The following ADARB1 variants were observed in gnomAD, a reference collection of about 807,000 sequenced individuals.
ADARB1 encodes double-stranded RNA-specific editase 1.
Under a neutral mutation model 52.4 loss-of-function variants are expected in ADARB1, and 10 were observed. That is an observed-to-expected ratio of 0.19 (90% CI 0.12 to 0.32). The LOEUF (loss-of-function observed/expected upper bound fraction) is 0.32. ADARB1 is among the 10% of genes least tolerant of loss of function. The pLI is 1.00. For missense variants in ADARB1, 643 were observed against 922.3 expected (o/e 0.70, Z 3.92); for synonymous variants, 349 against 371.1 (o/e 0.94, Z 0.68).
At chr21:45,173,459 G>A (rs532037315) in intron 3 of ADARB1, among the ~76,000 whole-genome samples, 50 of 152,200 alleles carry the variant, frequency 3.3e-4, no homozygotes, top group African/African-American at 1.2e-3. Context: ...TAAGAATTTA[G>A]AATGTATGGA....
At chr21:45,198,496 AT>A (rs766904492) in intron 8 of ADARB1, among the ~76,000 whole-genome samples, 2,543 of 113,414 alleles carry the variant, frequency 0.022, 34 homozygotes, top group African/African-American at 0.034. Flanking sequence ...ATTAAATTAA[AT>A]CACACACACA....
At chr21:45,158,777 A>G (rs2090804929) in intron 2 of ADARB1, among the ~76,000 whole-genome samples, 1 of 152,164 alleles carries the variant, frequency 6.6e-6, no homozygotes, top group Admixed American at 6.5e-5. Context: ...ACAGTATGCT[A>G]GAATGTACAG....
chr21:45,177,623 C>G (rs933245363), intron 4 of ADARB1: 1 of 152,142 alleles, frequency 6.6e-6, no homozygotes, highest in African/African-American at 2.4e-5. Flanking sequence ...TACTTTGTAT[C>G]AGAGTCTTCT....
intron 2 of ADARB1, among the ~76,000 whole-genome samples, chr21:45,164,656 G>C (rs1170828603): frequency 6.6e-6 from 1 of 152,164 alleles, no homozygotes; most frequent in Non-Finnish European, 1.5e-5. Flanking sequence ...CAGGAAGTTG[G>C]AGAGGCTCTG....
At position 45,220,876 on chromosome 21, in the gene ADARB1, C is replaced by T. The variant is rs1193842163; in HGVS notation, c.1788C>T (p.Pro596=). 5 of 1,613,472 alleles carry T rather than the reference C, an allele frequency of 3.1e-6. No homozygotes were observed. Among genetic ancestry groups the T allele is most frequent in the Non-Finnish European group, 4.2e-6 (5 of 1,179,972 alleles). ...NAEARQPGKA[P]NFSVNWTVGD... ...AAGCACGGCAGCCAGGGAAGGCCCC[C>T]AACTTCAGTGTCAACTGGACGGTAG... Residue 596 remains proline (P), a synonymous_variant, in exon 10 of 11, where the codon CCC becomes CCT. Coordinates refer to ENST00000348831, the MANE Select transcript of ADARB1 (RefSeq NM_001112.4). This position sits in a 1 kb window ranked among gnomAD's most constrained non-coding sequence, Gnocchi z 6.3.
chr21:45,083,989 T>G (rs1395193808), intron 1 of ADARB1, among the ~76,000 whole-genome samples: 1 of 152,226 alleles, frequency 6.6e-6, no homozygotes, highest in Non-Finnish European at 1.5e-5. Context: ...GCGGAGCCAT[T>G]GCACCTGGCC....
At chr21:45,154,566 T>TGTA (rs1489339966) in intron 2 of ADARB1, among the ~76,000 whole-genome samples, 1 of 152,184 alleles carries the variant, frequency 6.6e-6, no homozygotes, top group Non-Finnish European at 1.5e-5. Context: ...ATGAAAACAA[T>TGTA]GTAGTAGCAA....
At chr21:45,155,136 A>T (rs1282628963) in intron 2 of ADARB1, among the ~76,000 whole-genome samples, 1 of 152,190 alleles carries the variant, frequency 6.6e-6, no homozygotes, top group Non-Finnish European at 1.5e-5. Flanking sequence ...TGTGAAGACC[A>T]CTGTCCTCTG....
chr21:45,085,110 C>T (rs971641009), intron 1 of ADARB1, among the ~76,000 whole-genome samples: 3 of 152,186 alleles, frequency 2.0e-5, no homozygotes, highest in Non-Finnish European at 4.4e-5. Flanking sequence ...CAAGCCCTCT[C>T]TTGTGTCATT....
intron 2 of ADARB1, among the ~76,000 whole-genome samples, chr21:45,132,961 A>T (rs534895129): frequency 2.0e-5 from 3 of 152,344 alleles, no homozygotes; most frequent in Admixed American, 2.0e-4. Context: ...AATCTTCCAA[A>T]GCCACAGTCA....
In ADARB1 at chr21:45,076,631, A is replaced by G. The variant is rs544863161; in HGVS notation, c.-220+1838A>G. ...AGTTGTTACTGGGAGGCCAAGGGGG[A>G]AGGATTAGCTATGAAGTGATAACAT... On this transcript the variant is annotated intron_variant, in intron 1 of 10. Transcript: ENST00000348831. Among the ~76,000 whole-genome samples the G allele has an allele frequency of 3.3e-5, 5 of 152,278 alleles. No homozygotes were observed. In the East Asian group the frequency reaches 9.6e-4, roughly 29 times the overall value.
At chr21:45,179,322 A>G (rs548777121) in intron 4 of ADARB1, among the ~76,000 whole-genome samples, 2 of 152,348 alleles carry the variant, frequency 1.3e-5, no homozygotes, top group South Asian at 4.1e-4. Flanking sequence ...AGAGAAAAAC[A>G]TCCTGACAAC....
rs116231809 is a variant in ADARB1 at position 45,115,160 on chromosome 21, T to C, written c.-219-13242T>C. ...AATATTTGAAATTAGTCTATTCCTTTACCCCAGAAATGCAGAAATACATGG... is the reference window on the plus strand; with the variant it reads ...AATATTTGAAATTAGTCTATTCCTTCACCCCAGAAATGCAGAAATACATGG... On this transcript the variant is annotated intron_variant, in intron 1 of 10. Transcript: ENST00000348831. 8.5e-3 allele frequency among the ~76,000 whole-genome samples: 1,298 copies of C among 152,346 alleles called. 11 individuals carry two copies. Among genetic ancestry groups the C allele is most frequent in the African/African-American group, 0.03 (1,244 of 41,580 alleles).
intron 8 of ADARB1, among the ~76,000 whole-genome samples, chr21:45,199,302 C>A (rs778412963): frequency 9.2e-5 from 14 of 152,160 alleles, no homozygotes; most frequent in Admixed American, 2.0e-4. Context: ...ATTCCAGGCA[C>A]AGGGACACTT....
At chr21:45,184,585 G>A in intron 7 of ADARB1, 1 of 335,214 alleles carries the variant, frequency 3.0e-6, no homozygotes, top group Non-Finnish European at 5.8e-6. Context: ...CAAGGAGCTG[G>A]GACTACAGGC....
intron 8 of ADARB1, among the ~76,000 whole-genome samples, chr21:45,193,190 C>A (rs897033469): frequency 6.6e-6 from 1 of 152,152 alleles, no homozygotes; most frequent in African/African-American, 2.4e-5. Context: ...AAAGTTCTAG[C>A]AAAACTTTAG....
At chr21:45,126,664 T>G (rs2088604564) in intron 1 of ADARB1, among the ~76,000 whole-genome samples, 1 of 152,222 alleles carries the variant, frequency 6.6e-6, no homozygotes, top group African/African-American at 2.4e-5. Flanking sequence ...GGACCCCTCT[T>G]TCCTGGAAGC....
In ADARB1 at chr21:45,224,403, G is replaced by C. The variant is rs147329493; in HGVS notation, c.*2206G>C. 2 of 983,404 alleles carry C rather than the reference G, an allele frequency of 2.0e-6. No individual in the cohort carries two copies. The highest frequency in any genetic ancestry group is 4.7e-5 in the South Asian group (1 of 21,196). 60.9% of individuals were successfully genotyped at this position (983,404 alleles called of 1,614,324 possible). ...GGTGGCACCTTTCCGGGGTGGACTC[G>C]TGCGGCCTTGAGGACAGGCACAGGG... On this transcript the variant is annotated 3_prime_UTR_variant, in exon 11 of 11. Coordinates refer to ENST00000348831, the MANE Select transcript of ADARB1 (RefSeq NM_001112.4).
intron 1 of ADARB1, among the ~76,000 whole-genome samples, chr21:45,108,258 T>C (rs1479564402): frequency 6.6e-6 from 1 of 152,196 alleles, no homozygotes; most frequent in African/African-American, 2.4e-5. Context: ...TACATAAACA[T>C]GGCCCATACA....
Sources: allele counts gnomAD v4.1 joint callset (sites outside exome capture counted in the v4.1 genomes callset), GRCh38; gene constraint gnomAD v4.1.1; non-coding constraint Gnocchi (gnomAD v3.1); transcripts MANE v1.5; gene names NCBI Gene and HGNC (gene_info 2026-07-23, HGNC 2026-07-21).